SLC2A5: variants seen among roughly 807,000 people sequenced by gnomAD.
The protein encoded by SLC2A5 is solute carrier family 2 member 5.
SLC2A5 carries 56 observed loss-of-function variants against 50.3 expected under a neutral mutation model. That is an observed-to-expected ratio of 1.11 (90% CI 0.90 to 1.39). The LOEUF (loss-of-function observed/expected upper bound fraction) is 1.39, where lower values mean the gene tolerates loss of function less well. SLC2A5 is among the 40% of genes most tolerant of loss of function. The pLI is 0.00. For synonymous variants in SLC2A5, 269 were observed against 281.9 expected (o/e 0.95, Z 0.46); for missense variants, 566 against 650.1 (o/e 0.87, Z 1.41).
At chr1:9,062,821 G>A (rs746661572) in intron 1 of SLC2A5, among the ~76,000 whole-genome samples, 13 of 152,082 alleles carry the variant, frequency 8.5e-5, no homozygotes, top group Non-Finnish European at 1.2e-4. Flanking sequence ...GCAGTGAGCC[G>A]AGATCACGCC....
In SLC2A5 at chr1:9,036,431, C is replaced by T. The variant is rs966057692; in HGVS notation, c.*1155G>A. 6.6e-6 allele frequency: 1 copy of T among 152,310 alleles called. No individual in the cohort carries two copies. The highest frequency in any genetic ancestry group is 1.5e-5 in the Non-Finnish European group (1 of 68,062). The allele number at this position is 152,310 out of a possible 1,614,324, so 9.4% of individuals were successfully genotyped here. A position where few individuals can be genotyped will look rare whatever the true frequency, so the allele number is the denominator to read the frequency against. On this transcript the variant is annotated 3_prime_UTR_variant, in exon 12 of 12. Coordinates refer to ENST00000377424, the MANE Select transcript of SLC2A5 (RefSeq NM_003039.3). Reference sequence around the variant, plus strand: ...CTCACTGCAACCTCTACTTCCCAGGCTTAAGCAATCCTCCCACCTCAGCCT... The same window carrying T: ...CTCACTGCAACCTCTACTTCCCAGGTTTAAGCAATCCTCCCACCTCAGCCT...
chr1:9,090,441 T>C (rs1310703054), upstream of SLC2A5, among the ~76,000 whole-genome samples: 1 of 152,192 alleles, frequency 6.6e-6, no homozygotes, highest in East Asian at 1.9e-4. Context: ...CTCTCAACTT[T>C]TGGCTGCCAA....
intron 3 of SLC2A5, among the ~76,000 whole-genome samples, chr1:9,051,950 C>G (rs1440576010): frequency 1.3e-5 from 2 of 152,120 alleles, no homozygotes; most frequent in African/African-American, 4.8e-5. Flanking sequence ...ATATTCAAGC[C>G]ATGAAAAGAC....
chr1:9,063,622 C>G lies in SLC2A5; in HGVS notation c.34-5372G>C, dbSNP rs1234673241. On this transcript the variant is annotated intron_variant, in intron 1 of 11. Transcript: ENST00000377424. ...TCCTGACCTCAAGTGATCCACCTGC[C>G]TTGGGCTCCTAGAGTGCTGGGATTA... is the stretch of plus-strand genomic sequence containing the variant. 3.3e-5 allele frequency among the ~76,000 whole-genome samples: 5 copies of G among 150,538 alleles called. No homozygotes were observed. The East Asian group carries it at 9.7e-4, about 29-fold the overall frequency.
chr1:9,044,171 A>G (rs1641381797), intron 4 of SLC2A5, among the ~76,000 whole-genome samples: 3 of 151,796 alleles, frequency 2.0e-5, no homozygotes, highest in Non-Finnish European at 2.9e-5. Context: ...TCTATGAAAA[A>G]TACAAAAAAA....
chr1:9,063,871 A>G (rs1642013365), intron 1 of SLC2A5, among the ~76,000 whole-genome samples: 1 of 141,526 alleles, frequency 7.1e-6, no homozygotes, highest in Admixed American at 6.9e-5. Flanking sequence ...AATTTTTTGT[A>G]TTTTTAGTAG....
intron 3 of SLC2A5, chr1:9,049,272 T>C (rs1641511836): frequency 4.5e-6 from 2 of 441,322 alleles, no homozygotes; most frequent in Admixed American, 5.2e-5. Flanking sequence ...ACAGCACACC[T>C]TCAGACAACA....
rs1399923704 is a variant in SLC2A5 at position 9,058,197 on chromosome 1, G to C, written c.87C>G (p.Ser29=). 8.7e-6 allele frequency: 14 copies of C among 1,614,022 alleles called. No homozygotes were observed. The highest frequency in any genetic ancestry group is 1.2e-5 in the Non-Finnish European group (14 of 1,179,974). The change falls in exon 2 of 12, where the codon TCC becomes TCG. Residue 29 remains serine, a synonymous_variant. Transcript: ENST00000377424. ...LATLIAAFGS[S]FQYGYNVAAV... Reference sequence around the variant, plus strand: ...CAGCCACGTTGTACCCATACTGGAAGGATGACCCAAAGGCAGCTATCAGGG... The same window carrying C: ...CAGCCACGTTGTACCCATACTGGAACGATGACCCAAAGGCAGCTATCAGGG...
At chr1:9,093,238 T>C (rs527418224), upstream of SLC2A5, among the ~76,000 whole-genome samples, 1 of 152,214 alleles carries the variant, frequency 6.6e-6, no homozygotes, top group Non-Finnish European at 1.5e-5. Context: ...GAAGGGACCT[T>C]ACCAGATCAT....
At chr1:9,077,630 C>A (rs1260223230) in intron 2 of SLC2A5, among the ~76,000 whole-genome samples, 2 of 150,402 alleles carry the variant, frequency 1.3e-5, no homozygotes, top group African/African-American at 4.9e-5. Context: ...TGGCAGGCAC[C>A]TGTAATTCCA....
intron 1 of SLC2A5, among the ~76,000 whole-genome samples, chr1:9,066,804 C>A (rs1265557093): frequency 6.8e-6 from 1 of 147,660 alleles, no homozygotes; most frequent in African/African-American, 2.4e-5. Context: ...ATAGTGAGAC[C>A]CCGTCTCTTC....
chr1:9,086,145 G>C (rs1211032691), intron 1 of SLC2A5, among the ~76,000 whole-genome samples: 1 of 152,184 alleles, frequency 6.6e-6, no homozygotes, highest in Non-Finnish European at 1.5e-5. Flanking sequence ...TAACTAGCAG[G>C]GATAATGACA....
rs1267923400 is a variant in SLC2A5 at position 9,038,029 on chromosome 1, A to AG, written c.1175-6dup. On this transcript the variant is annotated splice_region_variant and splice_polypyrimidine_tract_variant and intron_variant, in intron 10 of 11. Coordinates refer to ENST00000377424, the MANE Select transcript of SLC2A5 (RefSeq NM_003039.3). ...TGAGCAGCGCGGGTATGGGACCTGT[A>AG]GGGGGAGGAGAGCAGCCTCCCTGAA... 16 of 1,613,390 alleles carry AG rather than the reference A, an allele frequency of 9.9e-6. No homozygotes were observed. The highest frequency in any genetic ancestry group is 1.4e-5 in the Non-Finnish European group (16 of 1,179,910).
chr1:9,059,767 C>T (rs954011916), intron 1 of SLC2A5, among the ~76,000 whole-genome samples: 10 of 151,916 alleles, frequency 6.6e-5, no homozygotes, highest in Non-Finnish European at 1.2e-4. Context: ...CTCCTGGGCT[C>T]AAGCGATCCT....
At chr1:9,089,747 T>A (rs554505646), upstream of SLC2A5, among the ~76,000 whole-genome samples, 23 of 152,280 alleles carry the variant, frequency 1.5e-4, no homozygotes, top group South Asian at 4.6e-3. Context: ...TTGGGAACAC[T>A]GGAAAATGGA....
chr1:9,039,480 C>A, intron 8 of SLC2A5, 72 bp downstream of exon 8: 1 of 1,144,256 alleles, frequency 8.7e-7, no homozygotes, highest in Non-Finnish European at 1.2e-6. Flanking sequence ...GCCCTTTTGG[C>A]GGCGCCGAGG....
intron 2 of SLC2A5, among the ~76,000 whole-genome samples, chr1:9,079,242 G>C (rs886167039): frequency 6.6e-6 from 1 of 152,104 alleles, no homozygotes; most frequent in Non-Finnish European, 1.5e-5. Flanking sequence ...AGAGATTGTT[G>C]ATCACGCTCT....
At chr1:9,068,920 T>G (rs979373649) in intron 1 of SLC2A5, among the ~76,000 whole-genome samples, 1 of 152,250 alleles carries the variant, frequency 6.6e-6, no homozygotes, top group African/African-American at 2.4e-5. Context: ...ACATTATGCA[T>G]TTTCCTCAAT....
At chr1:9,070,071 T>G (rs1642182358), upstream of SLC2A5, among the ~76,000 whole-genome samples, 1 of 135,648 alleles carries the variant, frequency 7.4e-6, no homozygotes, top group African/African-American at 3.0e-5. Flanking sequence ...TCTCATTTTC[T>G]GTTTTTTTTT....
Sources: gnomAD v4.1 joint callset for allele counts (sites outside exome capture counted in the v4.1 genomes callset) on GRCh38, gnomAD v4.1.1 for gene constraint, MANE v1.5 for transcripts, NCBI Gene and HGNC (gene_info 2026-07-23, HGNC 2026-07-21) for gene names.